OR2T12: variants seen among roughly 807,000 people sequenced by gnomAD.
The protein encoded by OR2T12 is olfactory receptor family 2 subfamily T member 12.
For synonymous variants in OR2T12, 127 were observed against 160.5 expected (o/e 0.79, Z 1.58); for missense variants, 335 against 404.3 (o/e 0.83, Z 1.47).
intron 2 of OR2T12, among the ~76,000 whole-genome samples, chr1:248,296,677 C>T (rs1659733363): frequency 6.6e-6 from 1 of 152,034 alleles, no homozygotes; most frequent in African/African-American, 2.4e-5. Flanking sequence ...CTGTTCATGT[C>T]CTTCGCCCAC....
At position 248,294,690 on chromosome 1, in the gene OR2T12, C is replaced by G. The variant is rs151244204; in HGVS notation, c.889G>C (p.Glu297Gln). 1.2e-5 allele frequency: 19 copies of G among 1,613,956 alleles called. No homozygotes were observed. The highest frequency in any genetic ancestry group is 1.4e-5 in the Non-Finnish European group (17 of 1,180,032). The change falls in exon 3 of 3, where the codon GAA becomes CAA. Residue 297 changes from glutamate (E) to glutamine (Q), a missense_variant. By Grantham distance (29) the Glu-to-Gln change is conservative (BLOSUM62 2). Coordinates refer to ENST00000641276, the MANE Select transcript of OR2T12 (RefSeq NM_001004692.2). The stretch of plus-strand genomic sequence containing the variant: ...GTCCCCAGCCACCGTTTCAGGGCTT[C>G]CTTGACCTCACTGTTCCTCACACTG... ...IYSVRNSEVK[E>Q]ALKRWLGTCV...
chr1:248,293,170 T>A lies in OR2T12; in HGVS notation c.*1446A>T, dbSNP rs1659657103. On this transcript the variant is annotated 3_prime_UTR_variant, in exon 3 of 3. Coordinates refer to ENST00000641276, the MANE Select transcript of OR2T12 (RefSeq NM_001004692.2). The stretch of plus-strand genomic sequence containing the variant: ...TTAAGACATGGGCTCAGGATCTGCA[T>A]GCAGTGGTTAAGGTACTATCTTAAC... The A allele has an allele frequency of 6.6e-6, 1 of 152,160 alleles. No individual in the cohort carries two copies. Among genetic ancestry groups the A allele is most frequent in the Admixed American group, 6.6e-5 (1 of 15,264 alleles). 9.4% of individuals were successfully genotyped at this position (152,160 alleles called of 1,614,324 possible). A position where few individuals can be genotyped will look rare whatever the true frequency, so the allele number is the denominator to read the frequency against.
chr1:248,290,904 AC>A lies in OR2T12; in HGVS notation c.*3711del, dbSNP rs752799251. The A allele has an allele frequency of 8.6e-5, 13 of 151,990 alleles. No individual in the cohort carries two copies. The highest frequency in any genetic ancestry group is 1.8e-4 in the Non-Finnish European group (12 of 67,980). 9.4% of individuals were successfully genotyped at this position (151,990 alleles called of 1,614,324 possible). On this transcript the variant is annotated 3_prime_UTR_variant, in exon 3 of 3. Transcript: ENST00000641276. ...GGTTTCGATTTGCATTTCTATAAGG[AC>A]CAGTGATGATGAGCTTTTTTTCATA...
rs2103036951 is a variant in OR2T12 at position 248,293,484 on chromosome 1, A to G, written c.*1132T>C. ...CTCTGATTACAATTTGGCTTTGATA[A>G]CCACTGCTTTCCTCCATCACTATCT... On this transcript the variant is annotated 3_prime_UTR_variant, in exon 3 of 3. Transcript: ENST00000641276. The G allele has an allele frequency of 6.6e-6, 1 of 152,270 alleles. No homozygotes were observed. The highest frequency in any genetic ancestry group is 2.1e-4 in the South Asian group (1 of 4,828). The allele number at this position is 152,270 out of a possible 1,614,324, so 9.4% of individuals were successfully genotyped here.
rs1659641137 is a variant in OR2T12 at position 248,292,033 on chromosome 1, C to T, written c.*2583G>A. On this transcript the variant is annotated 3_prime_UTR_variant, in exon 3 of 3. Coordinates refer to ENST00000641276, the MANE Select transcript of OR2T12 (RefSeq NM_001004692.2). ...ATAGGCATGGGCAAAGACTTCATGA[C>T]TAAAACACCAAAGCAATGGCAACAA... 1.3e-5 allele frequency: 2 copies of T among 152,102 alleles called. No individual in the cohort carries two copies. Among genetic ancestry groups the T allele is most frequent in the Admixed American group, 6.6e-5 (1 of 15,258 alleles). 9.4% of individuals were successfully genotyped at this position (152,102 alleles called of 1,614,324 possible). A position where few individuals can be genotyped will look rare whatever the true frequency, so the allele number is the denominator to read the frequency against.
chr1:248,297,665 G>A (rs1471241052), intron 2 of OR2T12, among the ~76,000 whole-genome samples: 1 of 151,924 alleles, frequency 6.6e-6, no homozygotes, highest in African/African-American at 2.4e-5. Flanking sequence ...TGTTATTGGT[G>A]TATAAGAATG....
chr1:248,296,902 G>A (rs1276937418), intron 2 of OR2T12, among the ~76,000 whole-genome samples: 3 of 152,218 alleles, frequency 2.0e-5, no homozygotes, highest in African/African-American at 7.2e-5. Flanking sequence ...CATTGCTTTT[G>A]GTGTTTTAGA....
Position 248,291,771 on chromosome 1 carries a change from C to T in OR2T12, c.*2845G>A, listed in dbSNP as rs529114678. The T allele has an allele frequency of 8.8e-4, 134 of 151,998 alleles. 1 individual carries two copies. Among genetic ancestry groups the T allele is most frequent in the African/African-American group, 3.1e-3 (130 of 41,466 alleles). 9.4% of individuals were successfully genotyped at this position (151,998 alleles called of 1,614,324 possible). On this transcript the variant is annotated 3_prime_UTR_variant, in exon 3 of 3. Transcript: ENST00000641276. ...AGACCAATAAACAGAACAGAGGCCTCAGAATTCATGCCATACAACCATCTC... is the reference window on the plus strand; with the variant it reads ...AGACCAATAAACAGAACAGAGGCCTTAGAATTCATGCCATACAACCATCTC...
rs1397590507 is a variant in OR2T12 at position 248,292,902 on chromosome 1, C to T, written c.*1714G>A. ...AATAATTTCTCTGATGGTGCATGAA[C>T]CTGGTATGAGTAATGAAATTTCCAC... On this transcript the variant is annotated 3_prime_UTR_variant, in exon 3 of 3. Transcript: ENST00000641276. 4.6e-5 allele frequency: 7 copies of T among 152,018 alleles called. No homozygotes were observed. The highest frequency in any genetic ancestry group is 4.6e-4 in the Admixed American group (7 of 15,242). The allele number at this position is 152,018 out of a possible 1,614,324, so 9.4% of individuals were successfully genotyped here.
At chr1:248,302,259 A>G (rs1659821791) in intron 1 of OR2T12, among the ~76,000 whole-genome samples, 1 of 152,146 alleles carries the variant, frequency 6.6e-6, no homozygotes, top group South Asian at 2.1e-4. Context: ...ATGCACTAAA[A>G]ATGGAATTTA....
chr1:248,295,499 A>T lies in OR2T12; in HGVS notation c.80T>A (p.Met27Lys). 2 of 1,613,396 alleles carry T rather than the reference A, an allele frequency of 1.2e-6. No individual in the cohort carries two copies. Among genetic ancestry groups the T allele is most frequent in the Non-Finnish European group, 1.7e-6 (2 of 1,179,754 alleles). ...GGTCAAAACGGTGGCCAGAAGCATC[A>T]TGAAGAGGACTTGGTGGGCTCTGGT... ...NHTRAHQVLF[M>K]MLLATVLTSL... Residue 27 changes from methionine to lysine, a missense_variant, in exon 3 of 3, where the codon ATG becomes AAG. Transcript: ENST00000641276.
chr1:248,299,785 G>A (rs1361530462), intron 2 of OR2T12, among the ~76,000 whole-genome samples: 1 of 152,150 alleles, frequency 6.6e-6, no homozygotes, highest in Non-Finnish European at 1.5e-5. Flanking sequence ...ATAGTTGGAA[G>A]TAAAGCTCTC....
rs1201038583 is a variant in OR2T12, at chr1:248,293,118, G to A, written c.*1498C>T. 1 of 152,132 alleles carries A rather than the reference G, an allele frequency of 6.6e-6. No homozygotes were observed. Among genetic ancestry groups the A allele is most frequent in the Non-Finnish European group, 1.5e-5 (1 of 67,996 alleles). The allele number at this position is 152,132 out of a possible 1,614,324, so 9.4% of individuals were successfully genotyped here. A position where few individuals can be genotyped will look rare whatever the true frequency, so the allele number is the denominator to read the frequency against. ...CTGTCATCCTCAAGTCTTCCAAGGA[G>A]ACAAGAGTTTACTGAATAGCCTTCT... is the stretch of plus-strand genomic sequence containing the variant. On this transcript the variant is annotated 3_prime_UTR_variant, in exon 3 of 3. Coordinates refer to ENST00000641276, the MANE Select transcript of OR2T12 (RefSeq NM_001004692.2).
chr1:248,297,252 T>C (rs1369063779), intron 2 of OR2T12, among the ~76,000 whole-genome samples: 2 of 152,164 alleles, frequency 1.3e-5, no homozygotes, highest in Non-Finnish European at 2.9e-5. Context: ...TTTTGGTTAC[T>C]GTAGCCTTGT....
rs1249792744 is a variant in OR2T12, at chr1:248,291,010, T to TC, written c.*3605_*3606insG. On this transcript the variant is annotated 3_prime_UTR_variant, in exon 3 of 3. Transcript: ENST00000641276. ...GCCCACTTTTTGATGGGGTTGTTTT[T>TC]TTTTTCTTATAAATATGTTTAAGTT... The TC allele has an allele frequency of 6.6e-6, 1 of 151,702 alleles. No homozygotes were observed. The highest frequency in any genetic ancestry group is 1.5e-5 in the Non-Finnish European group (1 of 67,914). 9.4% of individuals were successfully genotyped at this position (151,702 alleles called of 1,614,324 possible). A position where few individuals can be genotyped will look rare whatever the true frequency, so the allele number is the denominator to read the frequency against.
Position 248,294,699 on chromosome 1 carries a change from C to A in OR2T12, c.880G>T (p.Glu294Ter). 1 of 1,614,078 alleles carries A rather than the reference C, an allele frequency of 6.2e-7. No homozygotes were observed. The highest frequency in any genetic ancestry group is 8.5e-7 in the Non-Finnish European group (1 of 1,180,020). The change falls in exon 3 of 3, where the codon GAG (glutamate) becomes TAG (stop). Residue 294 changes from glutamate (E) to a stop codon, truncating the protein, a stop_gained. Coordinates refer to ENST00000641276, the MANE Select transcript of OR2T12 (RefSeq NM_001004692.2). LOFTEE classifies it low-confidence loss of function (END_TRUNC). ...NPLIYSVRNSEVKEALKRWLG... is the reference protein window; with the variant it reads ...NPLIYSVRNS Reference sequence around the variant, plus strand: ...CACCGTTTCAGGGCTTCCTTGACCTCACTGTTCCTCACACTGTAGATGAGG... The same window carrying A: ...CACCGTTTCAGGGCTTCCTTGACCTAACTGTTCCTCACACTGTAGATGAGG...
chr1:248,302,211 T>C (rs542943899), intron 1 of OR2T12, among the ~76,000 whole-genome samples: 9 of 152,152 alleles, frequency 5.9e-5, no homozygotes, highest in African/African-American at 1.9e-4. Flanking sequence ...ATAATGATCA[T>C]AGCAATTTTA....
Position 248,294,794 on chromosome 1 carries a change from G to C in OR2T12, c.785C>G (p.Ser262Cys). ...AGIFTYMRPKSHRSTNHDKVV... is the reference protein window; with the variant it reads ...AGIFTYMRPKCHRSTNHDKVV... ...CTTATCGTGGTTAGTGGACCTGTGG[G>C]ATTTGGGTCTCATATAGGTAAAAAT... The change falls in exon 3 of 3, where the codon TCC becomes TGC. Residue 262 changes from serine to cysteine, a missense_variant. By Grantham distance (112) the Ser-to-Cys change is moderately radical. Coordinates refer to ENST00000641276, the MANE Select transcript of OR2T12 (RefSeq NM_001004692.2). 3 of 1,613,896 alleles carry C rather than the reference G, an allele frequency of 1.9e-6. No homozygotes were observed. Among genetic ancestry groups the C allele is most frequent in the Non-Finnish European group, 2.5e-6 (3 of 1,179,894 alleles).
At chr1:248,298,914 A>T (rs1659774040) in intron 2 of OR2T12, among the ~76,000 whole-genome samples, 2 of 152,158 alleles carry the variant, frequency 1.3e-5, no homozygotes, top group Non-Finnish European at 2.9e-5. Flanking sequence ...TTCAACCCAG[A>T]ATTTCATATC....
Sources: gnomAD v4.1 joint callset for allele counts (sites outside exome capture counted in the v4.1 genomes callset) on GRCh38, gnomAD v4.1.1 for gene constraint, MANE v1.5 for transcripts, NCBI Gene and HGNC (gene_info 2026-07-23, HGNC 2026-07-21) for gene names.